Variants in ADGRG3 observed in about 807,000 individuals in gnomAD.
ADGRG3 encodes G protein-coupled receptor 97.
Under a neutral mutation model 54.3 loss-of-function variants are expected in ADGRG3, and 39 were observed. The ratio of observed to expected loss-of-function variants is 0.72; its 90% confidence interval spans 0.56 to 0.94. The LOEUF is 0.94. Ranked by LOEUF, ADGRG3 falls within the 40% of genes least tolerant of loss-of-function variation. The probability of loss-of-function intolerance (pLI) is 0.00; values close to 1 mark genes in which losing one functional copy is unlikely to be tolerated. For synonymous variants in ADGRG3, 312 were observed against 290.0 expected (o/e 1.08, Z -0.77); for missense variants, 654 against 694.6 (o/e 0.94, Z 0.66).
At chr16:57,666,721 C>T (rs2048067309), upstream of ADGRG3, among the ~76,000 whole-genome samples, 1 of 152,154 alleles carries the variant, frequency 6.6e-6, no homozygotes, top group Non-Finnish European at 1.5e-5. Flanking sequence ...GGGAAGGGGC[C>T]TTAGGAAAAG....
In ADGRG3 at chr16:57,668,400, C is replaced by T. The variant is rs372359005; in HGVS notation, c.53C>T (p.Thr18Ile). Residue 18 changes from threonine (T) to isoleucine (I), a missense_variant, in exon 1 of 12, where the codon ACC becomes ATC. Transcript: ENST00000333493. ...CTGCTCCTGCTCCTCCTGCTCCCGA[C>T]CTCAGGTGAGTGGCTGGCACCTCAT... Reference protein sequence around the residue: ...GALLLLLLLPTSGQEKPTEGP... With the variant: ...GALLLLLLLPISGQEKPTEGP... 3 of 1,571,708 alleles carry T rather than the reference C, an allele frequency of 1.9e-6. No individual in the cohort carries two copies. Among genetic ancestry groups the T allele is most frequent in the African/African-American group, 2.7e-5 (2 of 74,722 alleles).
intron 2 of ADGRG3, among the ~76,000 whole-genome samples, chr16:57,675,587 T>C (rs1254242619): frequency 1.3e-5 from 2 of 151,860 alleles, no homozygotes; most frequent in Admixed American, 1.3e-4. Context: ...GCTGAGATTG[T>C]GCCACTGCAC....
chr16:57,674,977 CAG>C lies in ADGRG3; in HGVS notation c.207-1220_207-1219del, dbSNP rs373380168. On this transcript the variant is annotated intron_variant, in intron 2 of 11. Coordinates refer to ENST00000333493, the MANE Select transcript of ADGRG3 (RefSeq NM_170776.5). ...CTCCACTGCACTCCAGCCTGGGCGACAGAGTGAGACTCCATCTCAAAAAAAAA... is the reference window on the plus strand; with the variant it reads ...CTCCACTGCACTCCAGCCTGGGCGACAGTGAGACTCCATCTCAAAAAAAAA... Among the ~76,000 whole-genome samples the C allele has an allele frequency of 7.9e-3, 901 of 113,980 alleles. 16 individuals are homozygous for C. The highest frequency in any genetic ancestry group is 0.03 in the African/African-American group (851 of 28,502). 74.8% of individuals were successfully genotyped at this position (113,980 alleles called of 152,430 possible). A position where few individuals can be genotyped will look rare whatever the true frequency, so the allele number is the denominator to read the frequency against.
intron 1 of ADGRG3, among the ~76,000 whole-genome samples, chr16:57,670,397 G>A (rs1338046238): frequency 3.3e-5 from 5 of 152,160 alleles, no homozygotes; most frequent in Non-Finnish European, 5.9e-5. Context: ...ATCCGGGAGG[G>A]AGGCCTGCAC....
chr16:57,681,516 T>C lies in ADGRG3; in HGVS notation c.881+899T>C, dbSNP rs187844801. On this transcript the variant is annotated intron_variant, in intron 8 of 11. Transcript: ENST00000333493. ...CAGGTAGATCACCTGAGGTCAGGAGTTCGAGACCAGTCTGGCCAACATGGT... is the reference window on the plus strand; with the variant it reads ...CAGGTAGATCACCTGAGGTCAGGAGCTCGAGACCAGTCTGGCCAACATGGT... Among the ~76,000 whole-genome samples the C allele has an allele frequency of 4.3e-3, 658 of 151,468 alleles. 1 individual carries two copies. Among genetic ancestry groups the C allele is most frequent in the Non-Finnish European group, 7.3e-3 (492 of 67,824 alleles).
chr16:57,667,067 A>AGGAAGCCC (rs1324086540), upstream of ADGRG3, among the ~76,000 whole-genome samples: 3 of 152,254 alleles, frequency 2.0e-5, no homozygotes, highest in Non-Finnish European at 4.4e-5. Flanking sequence ...TCTGGGGCTC[A>AGGAAGCCC]GGAAGCCCTG....
chr16:57,679,060 C>T (rs554076633), intron 4 of ADGRG3, 117 bp from the exon 5 acceptor site: 17 of 1,236,928 alleles, frequency 1.4e-5, no homozygotes, highest in African/African-American at 1.2e-4. Context: ...CCCCTGGTCT[C>T]GAACTCTGCC....
chr16:57,677,321 G>A lies in ADGRG3; in HGVS notation c.346-849G>A, dbSNP rs112374743. Among the ~76,000 whole-genome samples, 940 of 152,288 alleles carry A rather than the reference G, an allele frequency of 6.2e-3. 6 individuals are homozygous for A. The highest frequency in any genetic ancestry group is 0.02 in the African/African-American group (824 of 41,550). On this transcript the variant is annotated intron_variant, in intron 3 of 11. Coordinates refer to ENST00000333493, the MANE Select transcript of ADGRG3 (RefSeq NM_170776.5). ...TTTGCAGCCGGGCACAGTGGCTCAC[G>A]CCTGTAATACCAGCACTTTGGGAGG...
chr16:57,668,699 G>A (rs1477231170), intron 1 of ADGRG3, among the ~76,000 whole-genome samples: 1 of 152,176 alleles, frequency 6.6e-6, no homozygotes, highest in East Asian at 1.9e-4. Flanking sequence ...CCCAACCTGG[G>A]CTGTGTCTCC....
At chr16:57,668,303 G>A (rs1224359135), upstream of ADGRG3, 3 of 1,520,116 alleles carry the variant, frequency 2.0e-6, no homozygotes, top group African/African-American at 1.4e-5. Context: ...GGGCCAGAGG[G>A]CCAGACAGCC....
At chr16:57,667,721 G>C (rs535607205), upstream of ADGRG3, among the ~76,000 whole-genome samples, 1 of 152,290 alleles carries the variant, frequency 6.6e-6, no homozygotes, top group East Asian at 1.9e-4. Context: ...CTGTTATCCA[G>C]GCTGGTGGGG....
intron 2 of ADGRG3, 79 bp from the exon 3 acceptor site, chr16:57,676,121 C>A: frequency 7.3e-7 from 1 of 1,368,856 alleles, no homozygotes; most frequent in Non-Finnish European, 1.0e-6. Context: ...TTGGGTCAGC[C>A]CTCTCACCCC....
In ADGRG3 at chr16:57,673,484, G is replaced by T; in HGVS notation, c.206+16G>T. The T allele has an allele frequency of 6.3e-7, 1 of 1,588,844 alleles. No individual in the cohort carries two copies. Among genetic ancestry groups the T allele is most frequent in the Non-Finnish European group, 8.6e-7 (1 of 1,159,890 alleles). The stretch of plus-strand genomic sequence containing the variant: ...ACTTGCAGAGGTGAGGGGGCCCCCT[G>T]AGCTGGAGGGGGAATCTGAAGCTGC... On this transcript the variant is annotated intron_variant, in intron 2 of 11. Transcript: ENST00000333493.
intron 11 of ADGRG3, among the ~76,000 whole-genome samples, chr16:57,686,159 A>C (rs1383763860): frequency 7.9e-5 from 12 of 152,192 alleles, no homozygotes; most frequent in African/African-American, 2.9e-4. Context: ...GGTAATTTAT[A>C]AAGAAAATGG....
chr16:57,685,862 G>T lies in ADGRG3; in HGVS notation c.1476G>T (p.Leu492Phe), dbSNP rs2048463867. ...GCCTGGTGGGTGTGACATGGGGGTT[G>T]GCCATCTTCACCCCGTTGGGCCTCT... ...LSSLVGVTWGLAIFTPLGLST... is the reference protein window; with the variant it reads ...LSSLVGVTWGFAIFTPLGLST... The change falls in exon 11 of 12, where the codon TTG becomes TTT. Residue 492 changes from leucine (L) to phenylalanine (F), a missense_variant. By Grantham distance (22) the Leu-to-Phe change is conservative (BLOSUM62 0). Transcript: ENST00000333493. 8 of 1,614,146 alleles carry T rather than the reference G, an allele frequency of 5.0e-6. No individual in the cohort carries two copies. The highest frequency in any genetic ancestry group is 5.9e-6 in the Non-Finnish European group (7 of 1,180,014).
Position 57,680,618 on chromosome 16 carries a change from G to A in ADGRG3, c.881+1G>A, listed in dbSNP as rs746097129. ...CCATTATTCTTTATGCCTTTCTGAG[G>A]TGAGTGATCCCCACCTCCCCACCAT... On this transcript the variant is annotated splice_donor_variant, in intron 8 of 11. Coordinates refer to ENST00000333493, the MANE Select transcript of ADGRG3 (RefSeq NM_170776.5). LOFTEE classifies it high-confidence loss of function. The A allele has an allele frequency of 2.5e-6, 4 of 1,597,168 alleles. No individual in the cohort carries two copies. Among genetic ancestry groups the A allele is most frequent in the Non-Finnish European group, 3.4e-6 (4 of 1,164,690 alleles).
Position 57,688,478 on chromosome 16 carries a change from A to G in ADGRG3, c.*17A>G. On this transcript the variant is annotated 3_prime_UTR_variant, in exon 12 of 12. Transcript: ENST00000333493. ...CAAGAATAGGAAGGCACGGCCCTGC[A>G]ATATGGACTCAGCTCTGGCTCTCTG... The G allele has an allele frequency of 7.1e-7, 1 of 1,403,412 alleles. No homozygotes were observed. Among genetic ancestry groups the G allele is most frequent in the East Asian group, 2.3e-5 (1 of 43,896 alleles). 86.9% of individuals were successfully genotyped at this position (1,403,412 alleles called of 1,614,324 possible).
intron 10 of ADGRG3, 118 bp downstream of exon 10, chr16:57,684,601 C>T: frequency 1.5e-6 from 1 of 667,878 alleles, no homozygotes; most frequent in Middle Eastern, 2.4e-4. Context: ...TATGTCAAGA[C>T]CAGAAGAATC....
Position 57,676,283 on chromosome 16 carries a change from A to G in ADGRG3, c.290A>G (p.Gln97Arg), listed in dbSNP as rs778100523. 1.8e-5 allele frequency: 29 copies of G among 1,614,012 alleles called. No homozygotes were observed. The highest frequency in any genetic ancestry group is 1.6e-4 in the East Asian group (7 of 44,896). Residue 97 changes from glutamine to arginine, a missense_variant, in exon 3 of 12, where the codon CAG becomes CGG. Gln to Arg is a conservative substitution (Grantham distance 43). Coordinates refer to ENST00000333493, the MANE Select transcript of ADGRG3 (RefSeq NM_170776.5). ...ACGCCTTTCCTGAAGGCTTTGGTCC[A>G]GAACCTCAGCACCAACACTGCAGAA... ...VNTPFLKALV[Q>R]NLSTNTAEDF... is the part of the protein sequence containing the mutation.
Sources: gnomAD v4.1 joint callset for allele counts (sites outside exome capture counted in the v4.1 genomes callset) on GRCh38, gnomAD v4.1.1 for gene constraint, MANE v1.5 for transcripts, NCBI Gene and HGNC (gene_info 2026-07-23, HGNC 2026-07-21) for gene names.